ASH1L: variants seen among roughly 807,000 people sequenced by gnomAD.
ASH1L encodes the protein ASH1 like histone lysine methyltransferase.
A neutral mutation model predicts 269.0 loss-of-function variants in ASH1L; 23 were observed. The observed-to-expected ratio is 0.09, with a 90% CI of 0.06 to 0.12. The LOEUF (loss-of-function observed/expected upper bound fraction) is 0.12. Ranked by LOEUF, ASH1L falls within the 10% of genes least tolerant of loss-of-function variation. The probability of loss-of-function intolerance (pLI) is 1.00; values close to 1 mark genes in which losing one functional copy is unlikely to be tolerated. For synonymous variants in ASH1L, 1,187 were observed against 1,253.5 expected, an observed-to-expected ratio of 0.95 and a Z score of 1.12; for missense variants, 2,912 against 3,567.8, an observed-to-expected ratio of 0.82 and a Z score of 4.68.
Position 155,562,556 on chromosome 1 carries a change from C to A in ASH1L, c.-503G>T, listed in dbSNP as rs756232965. 5.9e-6 allele frequency: 9 copies of A among 1,528,496 alleles called. No individual in the cohort carries two copies. In the South Asian group the frequency reaches 8.4e-5, roughly 14 times the overall value. The allele number at this position is 1,528,496 out of a possible 1,614,324, so 94.7% of individuals were successfully genotyped here. On this transcript the variant is annotated 5_prime_UTR_variant, in exon 1 of 28. Coordinates refer to ENST00000392403, the MANE Select transcript of ASH1L (RefSeq NM_018489.3). ...CCTTCCTCCTTGCGTTCTTTCCCACCGTCCCCCGCTCCGCCCGACTCCGTC... is the reference window on the plus strand; with the variant it reads ...CCTTCCTCCTTGCGTTCTTTCCCACAGTCCCCCGCTCCGCCCGACTCCGTC...
At chr1:155,466,540 T>G (rs1194288319) in intron 3 of ASH1L, among the ~76,000 whole-genome samples, 4 of 152,230 alleles carry the variant, frequency 2.6e-5, no homozygotes, top group Non-Finnish European at 4.4e-5. Context: ...TTTATAGGCA[T>G]ATCTTTTTTC....
chr1:155,407,222 CA>C (rs1013807479), intron 6 of ASH1L, among the ~76,000 whole-genome samples: 5 of 145,312 alleles, frequency 3.4e-5, no homozygotes, highest in African/African-American at 1.3e-4. Context: ...GACTCCGTCT[CA>C]AAAAAAAAAG....
chr1:155,433,045 C>T, intron 5 of ASH1L: 1 of 1,022,424 alleles, frequency 9.8e-7, no homozygotes, highest in Non-Finnish European at 1.4e-6. Context: ...AGGCAGAAAT[C>T]ATCCTCCTTG....
intron 12 of ASH1L, among the ~76,000 whole-genome samples, chr1:155,369,182 G>A (rs908354644): frequency 1.3e-5 from 2 of 152,150 alleles, no homozygotes; most frequent in Non-Finnish European, 2.9e-5. Flanking sequence ...GGTGGCTCAC[G>A]CCTGTAATCC....
intron 1 of ASH1L, among the ~76,000 whole-genome samples, chr1:155,528,633 G>C (rs561457337): frequency 1.3e-5 from 2 of 152,076 alleles, no homozygotes; most frequent in Non-Finnish European, 2.9e-5. Flanking sequence ...CTTCAGTTGA[G>C]TAGATGAAGT....
chr1:155,539,727 C>A (rs1468145909), intron 1 of ASH1L, among the ~76,000 whole-genome samples: 1 of 151,866 alleles, frequency 6.6e-6, no homozygotes, highest in Non-Finnish European at 1.5e-5. Flanking sequence ...GGAATGCAGG[C>A]GTGAGCCACT....
chr1:155,546,847 A>G (rs1670860508), intron 1 of ASH1L, among the ~76,000 whole-genome samples: 1 of 151,304 alleles, frequency 6.6e-6, no homozygotes, highest in South Asian at 2.1e-4. Context: ...AACAAAGAAT[A>G]TTGGCCTACA....
intron 17 of ASH1L, among the ~76,000 whole-genome samples, chr1:155,351,758 G>A (rs12024696): frequency 0.24 from 36,288 of 151,748 alleles, 5,347 homozygotes; most frequent in East Asian, 0.72. Flanking sequence ...GGCTGAGGCA[G>A]GAGAATCGCT....
chr1:155,562,069 A>T, intron 1 of ASH1L, 84 bp downstream of exon 1: 1 of 922,624 alleles, frequency 1.1e-6, no homozygotes, highest in East Asian at 2.6e-5. Context: ...GGTCCGGGAG[A>T]TGACAGTGGC....
rs977348145 is a variant in ASH1L, at chr1:155,427,393, C to T, written c.5828+10934G>A. On this transcript the variant is annotated intron_variant, in intron 5 of 27. Coordinates refer to ENST00000392403, the MANE Select transcript of ASH1L (RefSeq NM_018489.3). Reference sequence around the variant, plus strand: ...CCAGATCCCGGCTCACTGCAACCTCCGCCTCCCGGGTCCAAGCGATTGTCC... The same window carrying T: ...CCAGATCCCGGCTCACTGCAACCTCTGCCTCCCGGGTCCAAGCGATTGTCC... Among the ~76,000 whole-genome samples the T allele has an allele frequency of 3.9e-5, 6 of 152,038 alleles. No individual in the cohort carries two copies. The South Asian group carries it at 6.2e-4, about 16-fold the overall frequency.
chr1:155,447,428 T>C (rs6668947), intron 4 of ASH1L, among the ~76,000 whole-genome samples: 146,001 of 152,174 alleles, frequency 0.96, 70,371 homozygotes, highest in East Asian at 1. Flanking sequence ...CGGGGTTTCA[T>C]GTGTTGCTCA....
chr1:155,361,872 C>CAA (rs771879733), intron 12 of ASH1L, among the ~76,000 whole-genome samples: 37 of 58,474 alleles, frequency 6.3e-4, no homozygotes, highest in African/African-American at 1.3e-3. Context: ...GACTCCGTCT[C>CAA]AAAAAAAAAA....
At chr1:155,491,971 C>T (rs1054836909) in intron 2 of ASH1L, among the ~76,000 whole-genome samples, 1 of 147,776 alleles carries the variant, frequency 6.8e-6, no homozygotes, top group Non-Finnish European at 1.5e-5. Flanking sequence ...CCGTACCCAG[C>T]TCTCTTTTTT....
chr1:155,427,555 C>T (rs756244984), intron 5 of ASH1L, among the ~76,000 whole-genome samples: 12 of 152,120 alleles, frequency 7.9e-5, no homozygotes, highest in African/African-American at 1.2e-4. Flanking sequence ...CCGCCCACCT[C>T]GGCCTCCCAA....
intron 2 of ASH1L, among the ~76,000 whole-genome samples, chr1:155,515,211 G>A (rs1442631758): frequency 6.6e-6 from 1 of 152,116 alleles, no homozygotes; most frequent in East Asian, 1.9e-4. Flanking sequence ...CCAGGACAAC[G>A]CCTGACTACA....
intron 5 of ASH1L, among the ~76,000 whole-genome samples, chr1:155,436,491 CTT>C (rs60270333): frequency 2.5e-5 from 2 of 80,546 alleles, no homozygotes; most frequent in Admixed American, 1.6e-4. Context: ...CATGCGTGGA[CTT>C]TTTTTTTTTT....
chr1:155,378,552 G>A lies in ASH1L; in HGVS notation c.6178-4C>T. ...GGACATCTGGCTTTTTGTATAGCTA[G>A]AAGAAAAGAAGAAAAATCTTGATAT... On this transcript the variant is annotated splice_polypyrimidine_tract_variant and splice_region_variant and intron_variant, in intron 8 of 27. Transcript: ENST00000392403. The A allele has an allele frequency of 1.2e-6, 2 of 1,605,126 alleles. No homozygotes were observed. The highest frequency in any genetic ancestry group is 1.7e-6 in the Non-Finnish European group (2 of 1,175,606).
chr1:155,562,654 C>A lies in ASH1L; in HGVS notation c.-601G>T. On this transcript the variant is annotated 5_prime_UTR_variant, in exon 1 of 28. Coordinates refer to ENST00000392403, the MANE Select transcript of ASH1L (RefSeq NM_018489.3). ...CGTCGCTGGCTGCTCCCACCAACCA[C>A]CACCTTCGGCCGCCCCGCGCGCCAG... The A allele has an allele frequency of 6.6e-7, 1 of 1,525,262 alleles. No homozygotes were observed. The highest frequency in any genetic ancestry group is 8.8e-7 in the Non-Finnish European group (1 of 1,139,928). 94.5% of individuals were successfully genotyped at this position (1,525,262 alleles called of 1,614,324 possible). A position where few individuals can be genotyped will look rare whatever the true frequency, so the allele number is the denominator to read the frequency against.
chr1:155,343,208 T>C lies in ASH1L; in HGVS notation c.8293+106A>G, dbSNP rs1305040003. ...GTTGGCCAGGCTGGTCTCACACTCC[T>C]GGGCTTAAGCAATCTGCCTGCCTCG... On this transcript the variant is annotated intron_variant, in intron 24 of 27. Transcript: ENST00000392403. This position sits in a 1 kb window ranked among gnomAD's most constrained non-coding sequence, Gnocchi z 6.1. 1.5e-6 allele frequency: 2 copies of C among 1,315,874 alleles called. No individual in the cohort carries two copies. The highest frequency in any genetic ancestry group is 2.3e-5 in the East Asian group (1 of 43,052). 81.5% of individuals were successfully genotyped at this position (1,315,874 alleles called of 1,614,324 possible).
Sources: gnomAD v4.1 joint callset for allele counts (sites outside exome capture counted in the v4.1 genomes callset) on GRCh38, gnomAD v4.1.1 for gene constraint, Gnocchi (gnomAD v3.1) non-coding constraint, MANE v1.5 for transcripts, NCBI Gene and HGNC (gene_info 2026-07-23, HGNC 2026-07-21) for gene names.